Variants in GDA observed in about 807,000 individuals in gnomAD.
The protein encoded by GDA is guanine deaminase, also known as cytoplasmic PSD-95 interactor.
In GDA, 18 loss-of-function variants were observed where a neutral mutation model predicts 59.6. The observed-to-expected ratio is 0.30, with a 90% confidence interval of 0.21 to 0.45. GDA has a LOEUF of 0.45. Among genes scored for constraint, GDA ranks in the 20% least tolerant of loss-of-function variants. The pLI is 1.00. For synonymous variants in GDA, 201 were observed against 201.1 expected (o/e 1.00, Z 0.00); for missense variants, 427 against 552.3 (o/e 0.77, Z 2.27).
At chr9:72,175,644 A>G (rs148559998) in intron 1 of GDA, among the ~76,000 whole-genome samples, 250 of 152,270 alleles carry the variant, frequency 1.6e-3, no homozygotes, top group African/African-American at 5.6e-3. Flanking sequence ...TGCTAAGGAG[A>G]ATTTTAAATT....
At chr9:72,146,797 G>A (rs1478349614), upstream of GDA, among the ~76,000 whole-genome samples, 4 of 152,162 alleles carry the variant, frequency 2.6e-5, no homozygotes, top group African/African-American at 9.7e-5. Context: ...TGGCTGGGAA[G>A]CCAAGACTTC....
intron 1 of GDA, among the ~76,000 whole-genome samples, chr9:72,127,500 G>A (rs1359585277): frequency 6.6e-6 from 1 of 152,098 alleles, no homozygotes; most frequent in Non-Finnish European, 1.5e-5. Flanking sequence ...AGTTAGGTGT[G>A]GTGGTGTGCG....
chr9:72,148,075 A>G (rs62561972), upstream of GDA, among the ~76,000 whole-genome samples: 73 of 152,214 alleles, frequency 4.8e-4, no homozygotes, highest in Non-Finnish European at 8.1e-4. Context: ...AATCATTTCT[A>G]TAAGCCAGCC....
At chr9:72,224,809 C>CTTTT (rs34656645) in intron 7 of GDA, among the ~76,000 whole-genome samples, 1 of 135,988 alleles carries the variant, frequency 7.4e-6, no homozygotes, top group African/African-American at 2.7e-5. Flanking sequence ...TAGCCCAACC[C>CTTTT]TTTTTTTTTT....
At chr9:72,207,329 CATGT>C (rs1469471603) in intron 3 of GDA, among the ~76,000 whole-genome samples, 1 of 152,100 alleles carries the variant, frequency 6.6e-6, no homozygotes, top group African/African-American at 2.4e-5. Context: ...GTTCTGTTTT[CATGT>C]CTCTAAACTT....
intron 1 of GDA, among the ~76,000 whole-genome samples, chr9:72,131,259 T>C (rs1482648511): frequency 1.3e-5 from 2 of 152,164 alleles, no homozygotes; most frequent in Non-Finnish European, 2.9e-5. Flanking sequence ...GTAGCTGAAG[T>C]AGGTCTGCTA....
At chr9:72,236,379 C>A (rs1056013074) in intron 10 of GDA, among the ~76,000 whole-genome samples, 1 of 152,038 alleles carries the variant, frequency 6.6e-6, no homozygotes, top group African/African-American at 2.4e-5. Context: ...TCCAAGACAG[C>A]GTTTTCTCAT....
chr9:72,248,187 T>C (rs2131860208), intron 13 of GDA, 85 bp from the exon 14 acceptor site: 1 of 921,254 alleles, frequency 1.1e-6, no homozygotes, highest in East Asian at 2.4e-5. Context: ...TAGAAGTATC[T>C]TTAAAAAAAA....
At chr9:72,130,302 A>T (rs528908228) in intron 1 of GDA, among the ~76,000 whole-genome samples, 1 of 152,236 alleles carries the variant, frequency 6.6e-6, no homozygotes, top group East Asian at 1.9e-4. Context: ...TGGCTTATTT[A>T]TGTAGTTAAG....
chr9:72,118,477 T>C (rs1313655491), intron 1 of GDA, among the ~76,000 whole-genome samples: 4 of 152,126 alleles, frequency 2.6e-5, no homozygotes, highest in Non-Finnish European at 4.4e-5. Flanking sequence ...ACTATAAATA[T>C]GTTTTTATCA....
At chr9:72,150,301 T>G (rs1008834658) in intron 1 of GDA, among the ~76,000 whole-genome samples, 16 of 151,104 alleles carry the variant, frequency 1.1e-4, no homozygotes, top group African/African-American at 3.7e-4. Flanking sequence ...CCTCTCTCTC[T>G]CTTATACACA....
intron 1 of GDA, among the ~76,000 whole-genome samples, chr9:72,178,653 G>A (rs891925883): frequency 5.3e-5 from 8 of 152,112 alleles, no homozygotes; most frequent in Non-Finnish European, 1.0e-4. Flanking sequence ...CCTGACCTCA[G>A]GTGTTCTGCC....
intron 1 of GDA, among the ~76,000 whole-genome samples, chr9:72,187,640 G>A (rs1832018687): frequency 6.6e-6 from 1 of 152,224 alleles, no homozygotes; most frequent in Non-Finnish European, 1.5e-5. Flanking sequence ...TTGGAACTGG[G>A]CAATGAGTAA....
intron 4 of GDA, among the ~76,000 whole-genome samples, chr9:72,212,226 T>C (rs1472867173): frequency 6.6e-6 from 1 of 152,152 alleles, no homozygotes; most frequent in Non-Finnish European, 1.5e-5. Context: ...TTAATGCCTG[T>C]AATCCTGGCA....
chr9:72,219,363 A>G (rs1836564245), intron 5 of GDA, 116 bp from the exon 6 acceptor site: 2 of 695,670 alleles, frequency 2.9e-6, no homozygotes, highest in African/African-American at 3.7e-5. Flanking sequence ...AGATCGCACC[A>G]CTTCACTCCA....
intron 8 of GDA, 24 bp downstream of exon 8, chr9:72,225,808 T>G: frequency 1.1e-6 from 1 of 915,208 alleles, no homozygotes; most frequent in Non-Finnish European, 1.8e-6. Context: ...CATGACATAA[T>G]CTGTTTAAAG....
chr9:72,229,007 G>C (rs1837962139), intron 9 of GDA: 1 of 151,942 alleles, frequency 6.6e-6, no homozygotes, highest in African/African-American at 2.4e-5. Flanking sequence ...TGGATGCTAG[G>C]TTAAAAACCC....
chr9:72,122,777 T>C (rs376627148), intron 1 of GDA, among the ~76,000 whole-genome samples: 1 of 152,116 alleles, frequency 6.6e-6, no homozygotes, highest in Non-Finnish European at 1.5e-5. Context: ...GCCTCCCCCA[T>C]GTCTTCAAGA....
At chr9:72,149,330 A>G, upstream of GDA, 1 of 540,346 alleles carries the variant, frequency 1.9e-6, no homozygotes, top group Non-Finnish European at 3.2e-6. Context: ...ACCCCACGGG[A>G]GCGCGGAGCC....
Sources: gnomAD v4.1 joint callset for allele counts (sites outside exome capture counted in the v4.1 genomes callset) on GRCh38, gnomAD v4.1.1 for gene constraint, MANE v1.5 for transcripts, NCBI Gene and HGNC (gene_info 2026-07-23, HGNC 2026-07-21) for gene names.